Variants in PUS3 observed in about 807,000 individuals in gnomAD.
PUS3 encodes pseudouridine synthase 3, also known as tRNA pseudouridine(38/39) synthase.
PUS3 carries 36 observed loss-of-function variants against 43.3 expected under a neutral mutation model. The observed-to-expected ratio is 0.83, with a 90% CI of 0.64 to 1.10. The LOEUF is 1.10. Among genes scored for constraint, PUS3 ranks in the 50% least tolerant of loss-of-function variants. The pLI is 0.00. For missense variants in PUS3, 544 were observed against 589.9 expected (o/e 0.92, Z 0.81); for synonymous variants, 183 against 199.2 (o/e 0.92, Z 0.69).
Position 125,894,292 on chromosome 11 carries a change from G to A in PUS3, c.945-6C>T. 1 of 1,579,356 alleles carries A rather than the reference G, an allele frequency of 6.3e-7. No homozygotes were observed. The highest frequency in any genetic ancestry group is 8.6e-7 in the Non-Finnish European group (1 of 1,160,588). On this transcript the variant is annotated splice_region_variant and splice_polypyrimidine_tract_variant and intron_variant, in intron 3 of 3. Transcript: ENST00000227474. Reference sequence around the variant, plus strand: ...GAGGAAATTCTACAGCCATACTAGAGAAAAAGAGAAAAGAAAGTTTGAGAA... The same window carrying A: ...GAGGAAATTCTACAGCCATACTAGAAAAAAAGAGAAAAGAAAGTTTGAGAA...
chr11:125,903,107 GT>G, intron 1 of PUS3, 62 bp downstream of exon 1: 1 of 784,974 alleles, frequency 1.3e-6, no homozygotes, highest in Non-Finnish European at 1.5e-6. Context: ...TCAGCAGTGT[GT>G]CCATTTGTCC....
In PUS3 at chr11:125,895,623, G is replaced by C; in HGVS notation, c.545C>G (p.Pro182Arg). The C allele has an allele frequency of 6.2e-7, 1 of 1,614,262 alleles. No individual in the cohort carries two copies. The change falls in exon 3 of 4, where the codon CCA (proline) becomes CGA (arginine). Residue 182 changes from proline to arginine, a missense_variant. Transcript: ENST00000227474. ...IRILAWAPVEPSFSARFSCLE... is the reference protein window; with the variant it reads ...IRILAWAPVERSFSARFSCLE... ...GCAGCTGAACCTAGCACTGAAGCTT[G>C]GTTCTACAGGGGCCCAGGCCAATAT...
intron 1 of PUS3, among the ~76,000 whole-genome samples, chr11:125,897,536 A>ATT (rs1491027583): frequency 7.3e-6 from 1 of 136,598 alleles, no homozygotes; most frequent in African/African-American, 2.6e-5. Context: ...AAAAAAAAAA[A>ATT]TCCAGCAACC....
chr11:125,895,850 G>C, intron 2 of PUS3, 57 bp downstream of exon 2: 1 of 1,587,476 alleles, frequency 6.3e-7, no homozygotes, highest in South Asian at 1.1e-5. Context: ...TACTCAGTGT[G>C]TATACCTAGA....
At chr11:125,900,465 T>C (rs1944737875) in intron 1 of PUS3, 2 of 588,090 alleles carry the variant, frequency 3.4e-6, no homozygotes, top group Non-Finnish European at 3.1e-6. Context: ...AATCCAGCAA[T>C]TGCAAGATAA....
At chr11:125,899,077 T>C in intron 1 of PUS3, 1 of 374,790 alleles carries the variant, frequency 2.7e-6, no homozygotes, top group Non-Finnish European at 4.8e-6. Flanking sequence ...GCTTTTCTTA[T>C]GCCAGAACTA....
intron 1 of PUS3, chr11:125,899,024 A>C: frequency 4.4e-6 from 1 of 227,782 alleles, no homozygotes; most frequent in African/African-American, 2.2e-5. Context: ...TACCTGTTAC[A>C]TAATGTGCAT....
chr11:125,894,315 G>A (rs1042701134), intron 3 of PUS3, 29 bp from the exon 4 acceptor site: 11 of 1,549,510 alleles, frequency 7.1e-6, no homozygotes, highest in Non-Finnish European at 8.8e-6. Flanking sequence ...GAAAGTTTGA[G>A]AATACATAAC....
chr11:125,901,811 G>A (rs1213687734), intron 1 of PUS3, among the ~76,000 whole-genome samples: 1 of 152,186 alleles, frequency 6.6e-6, no homozygotes, highest in Admixed American at 6.5e-5. Flanking sequence ...GGAATCTTGG[G>A]AAAGTAATAT....
At chr11:125,901,038 A>T (rs1036974448) in intron 1 of PUS3, among the ~76,000 whole-genome samples, 3 of 151,878 alleles carry the variant, frequency 2.0e-5, no homozygotes, top group African/African-American at 7.2e-5. Context: ...GAAGGAACAA[A>T]AACCTGCCTT....
chr11:125,896,350 A>G lies in PUS3; in HGVS notation c.-46-20T>C. On this transcript the variant is annotated intron_variant, in intron 1 of 3. Coordinates refer to ENST00000227474, the MANE Select transcript of PUS3 (RefSeq NM_031307.4). ...CCCTGTCTGAAAAGAGAGCAAAGGG[A>G]TACAACAGTTTCAATGCTAGTTCCT... 7.0e-7 allele frequency: 1 copy of G among 1,436,496 alleles called. No individual in the cohort carries two copies. The highest frequency in any genetic ancestry group is 9.5e-7 in the Non-Finnish European group (1 of 1,052,860). 89.0% of individuals were successfully genotyped at this position (1,436,496 alleles called of 1,614,324 possible).
chr11:125,894,137 A>G lies in PUS3; in HGVS notation c.1094T>C (p.Met365Thr). ...HAVKTHMLYS[M>T]LQGLDTVPVP... ...TGGAACAGTGTCCAGTCCTTGTAGC[A>G]TACTATACAACATGTGAGTTTTGAC... Residue 365 changes from methionine (M) to threonine (T), a missense_variant, in exon 4 of 4, where the codon ATG (methionine) becomes ACG (threonine). Coordinates refer to ENST00000227474, the MANE Select transcript of PUS3 (RefSeq NM_031307.4). 6.2e-7 allele frequency: 1 copy of G among 1,614,144 alleles called. No individual in the cohort carries two copies. The highest frequency in any genetic ancestry group is 8.5e-7 in the Non-Finnish European group (1 of 1,180,014).
rs766453289 is a variant in PUS3, at chr11:125,895,969, T to A, written c.316A>T (p.Arg106Ter). 6.2e-7 allele frequency: 1 copy of A among 1,614,240 alleles called. No individual in the cohort carries two copies. Among genetic ancestry groups the A allele is most frequent in the South Asian group, 1.1e-5 (1 of 91,090 alleles). ...CATCGGTGATAGTTGGATGTCTGTC[T>A]GCTTTCTACTAGTCGAGTCTTGGTT... ...ALTKTRLVESRQTSNYHRCGR... is the reference protein window; with the variant it reads ...ALTKTRLVES The change falls in exon 2 of 4, where the codon AGA becomes TGA. Residue 106 changes from arginine to a stop codon, truncating the protein, a stop_gained. Coordinates refer to ENST00000227474, the MANE Select transcript of PUS3 (RefSeq NM_031307.4). LOFTEE classifies it high-confidence loss of function.
intron 1 of PUS3, chr11:125,899,284 T>C (rs1351718802): frequency 8.1e-7 from 1 of 1,236,456 alleles, no homozygotes; most frequent in Non-Finnish European, 1.2e-6. Context: ...GATAAGGGAA[T>C]GAGCAATTTA....
rs147862544 is a variant in PUS3 at position 125,896,191 on chromosome 11, G to A, written c.94C>T (p.Gln32Ter). The stretch of plus-strand genomic sequence containing the variant: ...TTTGAGTCCTCCTTATTTTTGGCCT[G>A]TTCCTTTTTAAGTCTTTGCACCTCT... The part of the protein sequence containing the change: ...EQEVQRLKKE[Q>*]AKNKEDSNIR... The change falls in exon 2 of 4, where the codon CAG becomes TAG. Residue 32 changes from glutamine to a stop codon, truncating the protein, a stop_gained. Coordinates refer to ENST00000227474, the MANE Select transcript of PUS3 (RefSeq NM_031307.4). LOFTEE classifies it high-confidence loss of function. The A allele has an allele frequency of 1.4e-5, 23 of 1,614,136 alleles. No homozygotes were observed. Among genetic ancestry groups the A allele is most frequent in the Non-Finnish European group, 1.7e-5 (20 of 1,180,008 alleles).
Position 125,893,675 on chromosome 11 carries a change from T to TAAGAGCTGACCATCTGAATTCCTAG in PUS3, c.*109_*110insCTAGGAATTCAGATGGTCAGCTCTT. 1.3e-6 allele frequency: 1 copy of TAAGAGCTGACCATCTGAATTCCTAG among 795,228 alleles called. No homozygotes were observed. The highest frequency in any genetic ancestry group is 1.9e-6 in the Non-Finnish European group (1 of 539,248). The allele number at this position is 795,228 out of a possible 1,614,324, so 49.3% of individuals were successfully genotyped here. A position where few individuals can be genotyped will look rare whatever the true frequency, so the allele number is the denominator to read the frequency against. On this transcript the variant is annotated 3_prime_UTR_variant, in exon 4 of 4. Coordinates refer to ENST00000227474, the MANE Select transcript of PUS3 (RefSeq NM_031307.4). ...TAGTCTTTTTGCTTTTTTTTTTCTT[T>TAAGAGCTGACCATCTGAATTCCTAG]TAAGAGCTGATCATCTGAATTCCTA...
Position 125,899,981 on chromosome 11 carries a change from C to A in PUS3, c.-47+3189G>T, listed in dbSNP as rs781782721. ...TCTCCCAAAGCTGGACCAGTTAAGC[C>A]GAAACCGGGGCAAGACAGACCGGGT... On this transcript the variant is annotated intron_variant, in intron 1 of 3. Coordinates refer to ENST00000227474, the MANE Select transcript of PUS3 (RefSeq NM_031307.4). The A allele has an allele frequency of 1.9e-6, 3 of 1,614,164 alleles. No homozygotes were observed. In the Admixed American group the frequency reaches 5.0e-5, roughly 27 times the overall value.
At position 125,895,571 on chromosome 11, in the gene PUS3, G is replaced by GA. The variant is rs1171176058; in HGVS notation, c.596dup (p.Arg201SerfsTer3). Reference sequence around the variant, plus strand: ...TTACAATATCTAAATCAGCACGAGGGAAAAAATAGCGGTAAGTCCGCTCAA... The same window carrying GA: ...TTACAATATCTAAATCAGCACGAGGGAAAAAAATAGCGGTAAGTCCGCTCAA... On this transcript the variant is annotated frameshift_variant, in exon 3 of 4. Coordinates refer to ENST00000227474, the MANE Select transcript of PUS3 (RefSeq NM_031307.4). LOFTEE classifies it high-confidence loss of function. The GA allele has an allele frequency of 6.2e-6, 10 of 1,614,084 alleles. No homozygotes were observed. Among genetic ancestry groups the GA allele is most frequent in the Admixed American group, 3.3e-5 (2 of 60,008 alleles).
rs1182426660 is a variant in PUS3 at position 125,903,189 on chromosome 11, C to CCGCGT, written c.-71_-67dup. ...ACTTACTTTCCGGCAGCCGGCCGCG[C>CCGCGT]CGCGTTTCCGAGAAAGGAAGCTGTC... On this transcript the variant is annotated 5_prime_UTR_variant, in exon 1 of 4. Transcript: ENST00000227474. 1.0e-6 allele frequency: 1 copy of CCGCGT among 985,398 alleles called. No homozygotes were observed. The highest frequency in any genetic ancestry group is 1.7e-5 in the African/African-American group (1 of 57,258). The allele number at this position is 985,398 out of a possible 1,614,324, so 61.0% of individuals were successfully genotyped here.
Sources: allele counts gnomAD v4.1 joint callset (sites outside exome capture counted in the v4.1 genomes callset), GRCh38; gene constraint gnomAD v4.1.1; transcripts MANE v1.5; gene names NCBI Gene and HGNC (gene_info 2026-07-23, HGNC 2026-07-21).